Variants in RANBP17 observed in about 807,000 individuals in gnomAD.
RANBP17 encodes the protein ran-binding protein 17.
A neutral mutation model predicts 141.2 loss-of-function variants in RANBP17; 158 were observed. The ratio of observed to expected loss-of-function variants is 1.12; its 90% CI spans 0.98 to 1.28. The LOEUF (loss-of-function observed/expected upper bound fraction) is 1.28, where lower values mean the gene tolerates loss of function less well. Ranked by LOEUF, RANBP17 falls within the 50% of genes most tolerant of loss-of-function variation. RANBP17 has a pLI of 0.00. For synonymous variants in RANBP17, 430 were observed against 450.0 expected, an observed-to-expected ratio of 0.96 and a Z score of 0.56; for missense variants, 1,438 against 1,290.7, an observed-to-expected ratio of 1.11 and a Z score of -1.75.
chr5:171,066,423 T>C (rs1451168289), intron 14 of RANBP17, among the ~76,000 whole-genome samples: 3 of 152,212 alleles, frequency 2.0e-5, no homozygotes, highest in African/African-American at 7.2e-5. Context: ...ATGCAATATT[T>C]ACCTTTCTGT....
At chr5:171,040,075 A>G (rs78892968) in intron 14 of RANBP17, among the ~76,000 whole-genome samples, 3 of 152,090 alleles carry the variant, frequency 2.0e-5, no homozygotes, top group African/African-American at 7.2e-5. Flanking sequence ...GACAAAAAAA[A>G]CTACAGGCCA....
chr5:171,145,898 C>G (rs1290190303), intron 14 of RANBP17, among the ~76,000 whole-genome samples: 2 of 152,074 alleles, frequency 1.3e-5, no homozygotes, highest in Non-Finnish European at 2.9e-5. Flanking sequence ...TTTAGATACT[C>G]AAAGGATAAC....
rs576958646 is a variant in RANBP17 at position 171,058,681 on chromosome 5, A to C, written c.1710+90304A>C. Among the ~76,000 whole-genome samples the C allele has an allele frequency of 5.3e-3, 796 of 150,602 alleles. 12 individuals carry two copies. Among genetic ancestry groups the C allele is most frequent in the African/African-American group, 0.019 (769 of 40,868 alleles). ...TAGTCCTTTGGGTATATACCCAGTA[A>C]TGGGATGGCTGGGTCAAATGATATT... On this transcript the variant is annotated intron_variant, in intron 14 of 27. Transcript: ENST00000523189.
intron 23 of RANBP17, among the ~76,000 whole-genome samples, chr5:171,242,106 G>T (rs1764916140): frequency 6.6e-6 from 1 of 151,744 alleles, no homozygotes; most frequent in African/African-American, 2.4e-5. Flanking sequence ...TTACCAGCAT[G>T]AACCTCCATG....
At chr5:170,862,639 C>T (rs1438024214) in intron 1 of RANBP17, among the ~76,000 whole-genome samples, 1 of 151,996 alleles carries the variant, frequency 6.6e-6, no homozygotes, top group Non-Finnish European at 1.5e-5. Context: ...GCGGCCGCCT[C>T]TTCGGAGGAG....
intron 13 of RANBP17, among the ~76,000 whole-genome samples, chr5:170,965,801 G>T (rs576409357): frequency 9.9e-5 from 15 of 152,228 alleles, no homozygotes; most frequent in Middle Eastern, 6.8e-3. Context: ...GGTTACTGTA[G>T]CCTTGTAGTA....
intron 14 of RANBP17, among the ~76,000 whole-genome samples, chr5:170,971,091 G>C (rs1227929501): frequency 1.3e-5 from 2 of 152,136 alleles, no homozygotes; most frequent in African/African-American, 4.8e-5. Flanking sequence ...ATGCTGACTT[G>C]AGTGAAATTA....
chr5:170,974,851 G>T (rs1031367411), intron 14 of RANBP17, among the ~76,000 whole-genome samples: 5 of 152,194 alleles, frequency 3.3e-5, no homozygotes, highest in Admixed American at 3.3e-4. Context: ...AGCACTGCAT[G>T]AGAATGTGGG....
At chr5:170,939,109 A>C (rs1179701529) in intron 12 of RANBP17, among the ~76,000 whole-genome samples, 3 of 25,630 alleles carry the variant, frequency 1.2e-4, no homozygotes, top group Non-Finnish European at 1.5e-4. Flanking sequence ...AGAAGGTGTT[A>C]GAATATTATT....
At chr5:171,155,094 A>AAAATATATAT (rs34090443) in intron 14 of RANBP17, among the ~76,000 whole-genome samples, 28 of 74,960 alleles carry the variant, frequency 3.7e-4, no homozygotes, top group African/African-American at 1.1e-3. Flanking sequence ...AAAAAAAAAA[A>AAAATATATAT]ATATATATAT....
chr5:171,186,628 C>T (rs1224674372), intron 18 of RANBP17, among the ~76,000 whole-genome samples: 1 of 139,902 alleles, frequency 7.1e-6, no homozygotes. Context: ...GCTCCGCCTC[C>T]CGGGTTCACG....
At chr5:171,122,172 C>T (rs926219239) in intron 14 of RANBP17, among the ~76,000 whole-genome samples, 1 of 152,160 alleles carries the variant, frequency 6.6e-6, no homozygotes, top group Non-Finnish European at 1.5e-5. Flanking sequence ...TCAATGCTGC[C>T]CTCCTGGACT....
intron 5 of RANBP17, among the ~76,000 whole-genome samples, chr5:170,905,084 T>TA (rs940094536): frequency 6.6e-6 from 1 of 152,164 alleles, no homozygotes; most frequent in East Asian, 1.9e-4. Flanking sequence ...ATGTTTATAT[T>TA]AAAAAACAAA....
At chr5:170,943,620 T>G (rs2127479359) in intron 12 of RANBP17, among the ~76,000 whole-genome samples, 1 of 152,262 alleles carries the variant, frequency 6.6e-6, no homozygotes, top group African/African-American at 2.4e-5. Context: ...AAATTTAGTA[T>G]TATTATAAAA....
intron 16 of RANBP17, among the ~76,000 whole-genome samples, chr5:171,178,014 T>TA (rs796406342): frequency 5.3e-5 from 8 of 149,934 alleles, no homozygotes; most frequent in African/African-American, 2.0e-4. Context: ...TTGGATTTTT[T>TA]ATGTGGTTTT....
intron 14 of RANBP17, among the ~76,000 whole-genome samples, chr5:171,037,907 C>T (rs964554443): frequency 1.3e-5 from 2 of 151,976 alleles, no homozygotes; most frequent in African/African-American, 4.8e-5. Flanking sequence ...GCTATTCAGG[C>T]TCTTTCTGTT....
At chr5:170,867,391 T>A (rs1767348941) in intron 1 of RANBP17, among the ~76,000 whole-genome samples, 1 of 152,038 alleles carries the variant, frequency 6.6e-6, no homozygotes, top group African/African-American at 2.4e-5. Context: ...CAGGATTGGT[T>A]TGAAAAAAAG....
chr5:171,011,625 A>G (rs992153376), intron 14 of RANBP17, among the ~76,000 whole-genome samples: 26 of 152,170 alleles, frequency 1.7e-4, no homozygotes, highest in Middle Eastern at 3.4e-3. Context: ...TACATATGAT[A>G]TATAACCTTT....
intron 25 of RANBP17, among the ~76,000 whole-genome samples, chr5:171,273,402 AAGATG>A (rs530081614): frequency 7.0e-4 from 106 of 152,318 alleles, no homozygotes; most frequent in Non-Finnish European, 1.4e-3. Context: ...GTCACAAACT[AAGATG>A]CCTGTAGGGC....
Sources: allele counts gnomAD v4.1 joint callset (sites outside exome capture counted in the v4.1 genomes callset), GRCh38; gene constraint gnomAD v4.1.1; transcripts MANE v1.5; gene names NCBI Gene and HGNC (gene_info 2026-07-23, HGNC 2026-07-21).